Variants in PARD3B observed in about 807,000 individuals in gnomAD.
PARD3B encodes par-3 family cell polarity regulator beta.
A neutral mutation model predicts 130.2 loss-of-function variants in PARD3B; 103 were observed. The observed-to-expected ratio is 0.79, with a 90% CI of 0.67 to 0.93. The LOEUF is 0.93. PARD3B is among the 40% of genes least tolerant of loss of function. PARD3B has a pLI of 0.00. For synonymous variants in PARD3B, 583 were observed against 553.2 expected (o/e 1.05, Z -0.76); for missense variants, 1,609 against 1,499.2 (o/e 1.07, Z -1.21).
At chr2:204,991,349 A>T (rs1215411117) in intron 3 of PARD3B, among the ~76,000 whole-genome samples, 1 of 145,010 alleles carries the variant, frequency 6.9e-6, no homozygotes, top group Admixed American at 7.0e-5. Context: ...TTCTTGCGAT[A>T]GTTTACTGAG....
At chr2:204,628,146 C>T (rs1018622792) in intron 1 of PARD3B, among the ~76,000 whole-genome samples, 1 of 152,012 alleles carries the variant, frequency 6.6e-6, no homozygotes, top group Admixed American at 6.6e-5. Context: ...TTTTCTTGAG[C>T]AAAATTTTTG....
At chr2:205,068,698 A>G (rs984496998) in intron 4 of PARD3B, among the ~76,000 whole-genome samples, 6 of 152,242 alleles carry the variant, frequency 3.9e-5, no homozygotes, top group African/African-American at 1.2e-4. Flanking sequence ...AGCTACTACT[A>G]TAGCTGCATC....
intron 2 of PARD3B, among the ~76,000 whole-genome samples, chr2:204,864,457 C>G (rs1007591685): frequency 1.5e-4 from 23 of 152,128 alleles, no homozygotes. Context: ...ACCCAACATC[C>G]TTTCTTGCTA....
chr2:205,327,636 CTT>C (rs1008826942), intron 18 of PARD3B, among the ~76,000 whole-genome samples: 3 of 152,118 alleles, frequency 2.0e-5, no homozygotes, highest in African/African-American at 4.8e-5. Context: ...TTTTTTTACT[CTT>C]TGGCTCTTAG....
At chr2:205,447,890 C>T (rs933891482) in intron 20 of PARD3B, among the ~76,000 whole-genome samples, 4 of 152,192 alleles carry the variant, frequency 2.6e-5, no homozygotes, top group Admixed American at 2.0e-4. Flanking sequence ...ACACTGTCTC[C>T]GTGTAGCTTT....
Position 205,291,005 on chromosome 2 carries a change from G to T in PARD3B, c.2186-9525G>T, listed in dbSNP as rs1349906992. On this transcript the variant is annotated intron_variant, in intron 16 of 22. Coordinates refer to ENST00000406610, the MANE Select transcript of PARD3B (RefSeq NM_001302769.2). The surrounding 1 kb of genome is among the most constrained non-coding windows in gnomAD (Gnocchi z 4.6). Reference sequence around the variant, plus strand: ...AGAAATACATTTCTGTTGTTTGTAAGCCAGTTTATGAAATTTCATTATAGC... The same window carrying T: ...AGAAATACATTTCTGTTGTTTGTAATCCAGTTTATGAAATTTCATTATAGC... 6.6e-6 allele frequency among the ~76,000 whole-genome samples: 1 copy of T among 152,150 alleles called. No homozygotes were observed. Among genetic ancestry groups the T allele is most frequent in the Non-Finnish European group, 1.5e-5 (1 of 68,034 alleles).
intron 21 of PARD3B, among the ~76,000 whole-genome samples, chr2:205,550,000 G>C (rs1324822958): frequency 3.3e-5 from 5 of 152,154 alleles, no homozygotes; most frequent in African/African-American, 9.7e-5. Context: ...GCCACAGTAG[G>C]AGCAACAGTA....
intron 11 of PARD3B, 109 bp downstream of exon 11, chr2:205,159,016 CT>C: frequency 8.4e-7 from 1 of 1,185,878 alleles, no homozygotes; most frequent in Non-Finnish European, 1.2e-6. Context: ...GCCACTGAGA[CT>C]TTCCCGCCAG....
At chr2:205,042,997 T>C (rs1003926932) in intron 3 of PARD3B, among the ~76,000 whole-genome samples, 10 of 152,142 alleles carry the variant, frequency 6.6e-5, no homozygotes, top group Non-Finnish European at 1.3e-4. Flanking sequence ...TAAGGAACAT[T>C]GTTGTTCCTT....
intron 2 of PARD3B, among the ~76,000 whole-genome samples, chr2:204,861,606 A>C (rs1350662576): frequency 2.0e-5 from 3 of 152,170 alleles, no homozygotes; most frequent in Admixed American, 6.5e-5. Context: ...GATGCCTCTG[A>C]GCCACCAAAA....
In PARD3B at chr2:205,440,385, TC is replaced by T. The variant is rs2047670042; in HGVS notation, c.2758del (p.Gln920ArgfsTer3). On this transcript the variant is annotated frameshift_variant, in exon 20 of 23. Transcript: ENST00000406610. LOFTEE classifies it high-confidence loss of function. The surrounding 1 kb of genome is among the most constrained non-coding windows in gnomAD (Gnocchi z 4.2). ...TATTTTTCAGGATTGGAGCAAAACA[TC>T]AGGAGCTAAGGGAAAAGCAGGCAAG... is the stretch of plus-strand genomic sequence containing the variant. ...EERERIGAKH[Q>X]ELREKQARGL... is the part of the protein sequence containing the mutation. 1 of 1,613,818 alleles carries T rather than the reference TC, an allele frequency of 6.2e-7. No individual in the cohort carries two copies. The highest frequency in any genetic ancestry group is 1.7e-5 in the Admixed American group (1 of 59,998).
In PARD3B at chr2:205,366,170, C is replaced by A. The variant is rs567366818; in HGVS notation, c.2631-34843C>A. 6.6e-6 allele frequency among the ~76,000 whole-genome samples: 1 copy of A among 151,252 alleles called. No homozygotes were observed. The highest frequency in any genetic ancestry group is 1.5e-5 in the Non-Finnish European group (1 of 67,862). ...TGGGTTACTTTAAACCAATTTTTTT[C>A]TTTCCTAATTCAACTTAGGAAACAT... On this transcript the variant is annotated intron_variant, in intron 18 of 22. Transcript: ENST00000406610. The surrounding 1 kb of genome is among the most constrained non-coding windows in gnomAD (Gnocchi z 5.0).
At chr2:204,711,602 G>GT (rs2038439240) in intron 2 of PARD3B, among the ~76,000 whole-genome samples, 1 of 151,784 alleles carries the variant, frequency 6.6e-6, no homozygotes, top group African/African-American at 2.4e-5. Context: ...CTGGAGCACA[G>GT]TGGCACGATC....
chr2:205,581,452 T>A (rs1321206656), intron 22 of PARD3B, among the ~76,000 whole-genome samples: 1 of 146,542 alleles, frequency 6.8e-6, no homozygotes, highest in Admixed American at 7.0e-5. Context: ...TATAAATATA[T>A]ATGACAGGAT....
intron 5 of PARD3B, among the ~76,000 whole-genome samples, chr2:205,108,132 T>TGAA (rs1367500019): frequency 6.6e-6 from 1 of 152,234 alleles, no homozygotes; most frequent in African/African-American, 2.4e-5. Flanking sequence ...CCCCATGTTT[T>TGAA]GATGCTTTAT....
intron 18 of PARD3B, among the ~76,000 whole-genome samples, chr2:205,308,586 G>GAC (rs1396070170): frequency 1.3e-4 from 18 of 139,378 alleles, no homozygotes; most frequent in Non-Finnish European, 2.6e-4. Context: ...TAGCCTGGGT[G>GAC]AGAGCGAGAC....
intron 1 of PARD3B, among the ~76,000 whole-genome samples, chr2:204,657,245 T>C (rs1400133254): frequency 2.6e-5 from 4 of 152,194 alleles, no homozygotes; most frequent in African/African-American, 9.6e-5. Flanking sequence ...AATTGTGAGC[T>C]GGGCACAGTG....
chr2:205,248,408 TGGTGGTGGC>T (rs1323569295), intron 16 of PARD3B, among the ~76,000 whole-genome samples: 14 of 145,616 alleles, frequency 9.6e-5, no homozygotes, highest in African/African-American at 3.0e-4. Flanking sequence ...GTGGTGGTGG[TGGTGGTGGC>T]GGCAGCAGCA....
chr2:204,773,606 A>T lies in PARD3B; in HGVS notation c.222+87324A>T, dbSNP rs190477293. Among the ~76,000 whole-genome samples, 259 of 152,196 alleles carry T rather than the reference A, an allele frequency of 1.7e-3. 1 individual carries two copies. The East Asian group carries it at 0.019, about 11-fold the overall frequency. On this transcript the variant is annotated intron_variant, in intron 2 of 22. Coordinates refer to ENST00000406610, the MANE Select transcript of PARD3B (RefSeq NM_001302769.2). ...TTTTCTATTATTTATCCTAAATCCT[A>T]TCTGTTACTGCTTCCTTGAAAATGT...
Sources: allele counts gnomAD v4.1 joint callset (sites outside exome capture counted in the v4.1 genomes callset), GRCh38; gene constraint gnomAD v4.1.1; non-coding constraint Gnocchi (gnomAD v3.1); transcripts MANE v1.5; gene names NCBI Gene and HGNC (gene_info 2026-07-23, HGNC 2026-07-21).